SHOX: variants seen among roughly 807,000 people sequenced by gnomAD.
The protein encoded by SHOX is short stature homeobox protein.
Under a neutral mutation model 29.6 loss-of-function variants are expected in SHOX, and 12 were observed. The observed-to-expected ratio is 0.41, with a 90% CI of 0.26 to 0.66. The LOEUF (loss-of-function observed/expected upper bound fraction) is 0.66, where lower values mean the gene tolerates loss of function less well. SHOX is among the 30% of genes least tolerant of loss of function. The probability of loss-of-function intolerance (pLI) is 0.35; values close to 1 mark genes in which losing one functional copy is unlikely to be tolerated. For missense variants in SHOX, 499 were observed against 437.7 expected, an observed-to-expected ratio of 1.14 and a Z score of -1.25; for synonymous variants, 214 against 200.6, an observed-to-expected ratio of 1.07 and a Z score of -0.57.
At chrX:631,198 C>G (rs2052642524) in intron 1 of SHOX, 24 bp downstream of exon 1, 4 of 1,611,970 alleles carry the variant, frequency 2.5e-6, no homozygotes, top group Non-Finnish European at 2.5e-6. Flanking sequence ...CGCTCCGGCT[C>G]CAGGGGGGCC....
In SHOX at chrX:650,931, T is replaced by C. The variant is rs1445312326; in HGVS notation, c.*6295T>C. On this transcript the variant is annotated 3_prime_UTR_variant, in exon 5 of 5. Transcript: ENST00000686671. Reference sequence around the variant, plus strand: ...AAATGTTTTATTGAAATTTGATATTTAATGAGAAGCCGGTTAAGGAATGTA... The same window carrying C: ...AAATGTTTTATTGAAATTTGATATTCAATGAGAAGCCGGTTAAGGAATGTA... 6.6e-6 allele frequency among the ~76,000 whole-genome samples: 1 copy of C among 152,006 alleles called. No homozygotes were observed. The highest frequency in any genetic ancestry group is 2.4e-5 in the African/African-American group (1 of 41,396).
rs1206655619 is a variant in SHOX, at chrX:645,628, GCTGGCCGC to G, written c.*999_*1006del. On this transcript the variant is annotated 3_prime_UTR_variant, in exon 5 of 5. Transcript: ENST00000686671. ...AAAAGGCGTTACCTCTTCTCCCAGC[GCTGGCCGC>G]CTGGCCACTGAGGGCCCTTTGCAAA... The G allele has an allele frequency of 1.2e-4, 19 of 152,128 alleles. No individual in the cohort carries two copies. The highest frequency in any genetic ancestry group is 4.6e-4 in the African/African-American group (19 of 41,528). The allele number at this position is 152,128 out of a possible 1,614,324, so 9.4% of individuals were successfully genotyped here. A position where few individuals can be genotyped will look rare whatever the true frequency, so the allele number is the denominator to read the frequency against.
chrX:638,875 C>G (rs1269647349), intron 2 of SHOX, among the ~76,000 whole-genome samples: 1 of 152,164 alleles, frequency 6.6e-6, no homozygotes, highest in Non-Finnish European at 1.5e-5. Flanking sequence ...GTTCTCTGGA[C>G]GAATCATTTC....
At chrX:644,273 G>C in intron 4 of SHOX, 118 bp from the exon 5 acceptor site, 1 of 1,293,932 alleles carries the variant, frequency 7.7e-7, no homozygotes, top group Non-Finnish European at 1.0e-6. Flanking sequence ...CACGGCTGGA[G>C]AAGGGGCGAC....
Position 631,001 on chromosome X carries a change from A to G in SHOX, c.104A>G (p.Tyr35Cys). ...GGGGKKDSITYREVLESGLAR... is the reference protein window; with the variant it reads ...GGGGKKDSITCREVLESGLAR... Reference sequence around the variant, plus strand: ...GGAGGTAAGAAGGATTCCATTACGTACCGGGAAGTTTTGGAGAGCGGACTG... The same window carrying G: ...GGAGGTAAGAAGGATTCCATTACGTGCCGGGAAGTTTTGGAGAGCGGACTG... Residue 35 changes from tyrosine to cysteine, a missense_variant, in exon 1 of 5, where the codon TAC (tyrosine) becomes TGC (cysteine). Physicochemically the swap from Tyr to Cys is radical, Grantham distance 194. Transcript: ENST00000686671. 1 of 1,613,804 alleles carries G rather than the reference A, an allele frequency of 6.2e-7. No individual in the cohort carries two copies. Among genetic ancestry groups the G allele is most frequent in the Non-Finnish European group, 8.5e-7 (1 of 1,179,820 alleles).
chrX:633,781 G>T (rs1224010423), intron 1 of SHOX, among the ~76,000 whole-genome samples: 1 of 152,132 alleles, frequency 6.6e-6, no homozygotes, highest in Non-Finnish European at 1.5e-5. Context: ...GCCCTGGGTT[G>T]AAGGGGAGCG....
At chrX:653,206 A>G (rs908071956), downstream of SHOX, among the ~76,000 whole-genome samples, 10 of 152,146 alleles carry the variant, frequency 6.6e-5, no homozygotes, top group Non-Finnish European at 1.5e-4. Flanking sequence ...GCGCCATTGC[A>G]CTCCAGCCTG....
At chrX:657,862 T>G (rs997615099) in intron 5 of SHOX, among the ~76,000 whole-genome samples, 1 of 152,194 alleles carries the variant, frequency 6.6e-6, no homozygotes, top group Non-Finnish European at 1.5e-5. Context: ...GTTGATTTAT[T>G]TGACGAGTGG....
downstream of SHOX, among the ~76,000 whole-genome samples, chrX:653,457 T>C (rs1322405064): frequency 6.6e-6 from 1 of 152,146 alleles, no homozygotes; most frequent in African/African-American, 2.4e-5. Flanking sequence ...TTGTTGCCAA[T>C]CACAAAGAAT....
At chrX:627,327 A>T (rs1430250249), upstream of SHOX, among the ~76,000 whole-genome samples, 1 of 152,208 alleles carries the variant, frequency 6.6e-6, no homozygotes, top group Admixed American at 6.5e-5. Context: ...CTAACATGTT[A>T]TCAAGCACTC....
Position 650,798 on chromosome X carries a change from A to AAAAAAAAC in SHOX, c.*6169_*6170insCAAAAAAA, listed in dbSNP as rs2053044692. On this transcript the variant is annotated 3_prime_UTR_variant, in exon 5 of 5. Coordinates refer to ENST00000686671, the MANE Select transcript of SHOX (RefSeq NM_000451.4). The stretch of plus-strand genomic sequence containing the variant: ...CGGTGGACACGTTTGACATTAAAAA[A>AAAAAAAAC]AAAAAAAAAAAAAAAAAAAAACTGG... Among the ~76,000 whole-genome samples, 1 of 141,634 alleles carries AAAAAAAAC rather than the reference A, an allele frequency of 7.1e-6. No individual in the cohort carries two copies. The highest frequency in any genetic ancestry group is 2.5e-5 in the African/African-American group (1 of 39,652). 92.9% of individuals were successfully genotyped at this position (141,634 alleles called of 152,430 possible). A position where few individuals can be genotyped will look rare whatever the true frequency, so the allele number is the denominator to read the frequency against.
intron 5 of SHOX, among the ~76,000 whole-genome samples, chrX:657,564 A>C (rs1439365208): frequency 2.0e-5 from 3 of 152,084 alleles, no homozygotes; most frequent in Non-Finnish European, 4.4e-5. Flanking sequence ...CCACACCCCC[A>C]CACACAGGTG....
At chrX:643,079 C>T (rs1305455645) in intron 4 of SHOX, among the ~76,000 whole-genome samples, 2 of 148,796 alleles carry the variant, frequency 1.3e-5, no homozygotes, top group Admixed American at 1.3e-4. Flanking sequence ...CCGGGAGAGC[C>T]TTGGGGACCT....
Position 645,698 on chromosome X carries a change from A to G in SHOX, c.*1062A>G, listed in dbSNP as rs2052954795. The G allele has an allele frequency of 6.6e-6, 1 of 151,340 alleles. No individual in the cohort carries two copies. Among genetic ancestry groups the G allele is most frequent in the South Asian group, 2.1e-4 (1 of 4,772 alleles). The allele number at this position is 151,340 out of a possible 1,614,324, so 9.4% of individuals were successfully genotyped here. A position where few individuals can be genotyped will look rare whatever the true frequency, so the allele number is the denominator to read the frequency against. Reference sequence around the variant, plus strand: ...TAGAGATGGCCCTGGGCGCGCTGGGAGTGTGGTTGTGTTTCTGAAGGGGAT... The same window carrying G: ...TAGAGATGGCCCTGGGCGCGCTGGGGGTGTGGTTGTGTTTCTGAAGGGGAT... On this transcript the variant is annotated 3_prime_UTR_variant, in exon 5 of 5. Transcript: ENST00000686671.
rs1199314088 is a variant in SHOX at position 646,382 on chromosome X, T to C, written c.*1746T>C. 1 of 151,998 alleles carries C rather than the reference T, an allele frequency of 6.6e-6. No homozygotes were observed. The highest frequency in any genetic ancestry group is 2.4e-5 in the African/African-American group (1 of 41,352). 9.4% of individuals were successfully genotyped at this position (151,998 alleles called of 1,614,324 possible). On this transcript the variant is annotated 3_prime_UTR_variant, in exon 5 of 5. Transcript: ENST00000686671. ...ATGATTGGCATTAGTTACCACAGCCTGCCCAGAGAGAAACTATCTTCTCCC... is the reference window on the plus strand; with the variant it reads ...ATGATTGGCATTAGTTACCACAGCCCGCCCAGAGAGAAACTATCTTCTCCC...
rs1355245871 is a variant in SHOX, at chrX:643,836, G to A, written c.634-555G>A. On this transcript the variant is annotated intron_variant, in intron 4 of 4. Coordinates refer to ENST00000686671, the MANE Select transcript of SHOX (RefSeq NM_000451.4). ...GAGAGCCTTGGGGACCTGGTGACCCGGGAGAGGCTTGGACACCTGGTGTCC... is the reference window on the plus strand; with the variant it reads ...GAGAGCCTTGGGGACCTGGTGACCCAGGAGAGGCTTGGACACCTGGTGTCC... 1.8e-4 allele frequency among the ~76,000 whole-genome samples: 26 copies of A among 141,978 alleles called. 1 individual carries two copies. The highest frequency in any genetic ancestry group is 1.0e-3 in the Admixed American group (15 of 14,664). 93.1% of individuals were successfully genotyped at this position (141,978 alleles called of 152,430 possible). A position where few individuals can be genotyped will look rare whatever the true frequency, so the allele number is the denominator to read the frequency against.
intron 5 of SHOX, chrX:658,721 C>A (rs969368496): frequency 4.5e-5 from 14 of 309,586 alleles, no homozygotes; most frequent in Non-Finnish European, 6.6e-5. Context: ...CCGTCCGCCT[C>A]AGCCTCCCAA....
At chrX:640,952 G>A (rs776419476) in intron 3 of SHOX, 47 bp from the exon 4 acceptor site, 2 of 1,613,324 alleles carry the variant, frequency 1.2e-6, no homozygotes, top group South Asian at 1.1e-5. Context: ...CGAGGTGCTG[G>A]CTACACCCAG....
chrX:624,841 TC>T, intron 1 of SHOX, among the ~76,000 whole-genome samples: 3 of 143,654 alleles, frequency 2.1e-5, no homozygotes, highest in African/African-American at 7.8e-5. Flanking sequence ...CTTCCTTCCT[TC>T]CTCTCTTCCT....
Sources: allele counts gnomAD v4.1 joint callset (sites outside exome capture counted in the v4.1 genomes callset), GRCh38; gene constraint gnomAD v4.1.1; transcripts MANE v1.5; gene names NCBI Gene and HGNC (gene_info 2026-07-23, HGNC 2026-07-21).